RNF150: variants seen among roughly 807,000 people sequenced by gnomAD.
RNF150 encodes the protein ring finger protein 150.
In RNF150, 24 loss-of-function variants were observed where a neutral mutation model predicts 39.3. The ratio of observed to expected loss-of-function variants is 0.61; its 90% confidence interval spans 0.44 to 0.86. The LOEUF (loss-of-function observed/expected upper bound fraction) is 0.86, where lower values mean the gene tolerates loss of function less well. Among genes scored for constraint, RNF150 ranks in the 40% least tolerant of loss-of-function variants. The pLI, the probability that RNF150 is intolerant of heterozygous loss-of-function variation, is 0.00. For synonymous variants in RNF150, 255 were observed against 227.3 expected, an observed-to-expected ratio of 1.12 and a Z score of -1.10; for missense variants, 502 against 587.8, an observed-to-expected ratio of 0.85 and a Z score of 1.51.
intron 4 of RNF150, among the ~76,000 whole-genome samples, chr4:140,935,032 A>AAT (rs1233671306): frequency 0.021 from 195 of 9,314 alleles, no homozygotes; most frequent in East Asian, 0.15. Context: ...ATATATTTAT[A>AAT]ATATATATAT....
intron 1 of RNF150, among the ~76,000 whole-genome samples, chr4:141,021,398 C>T (rs952927918): frequency 1.3e-5 from 2 of 152,138 alleles, no homozygotes; most frequent in African/African-American, 4.8e-5. Context: ...AACACTTTTT[C>T]ATCCCTGTAG....
intron 1 of RNF150, among the ~76,000 whole-genome samples, chr4:141,088,298 C>T (rs11941500): frequency 0.36 from 54,914 of 151,888 alleles, 10,585 homozygotes; most frequent in East Asian, 0.76. Context: ...CTCCTGATTT[C>T]TTCTTCTTAC....
At chr4:140,931,506 T>C (rs1163093967) in intron 4 of RNF150, among the ~76,000 whole-genome samples, 2 of 152,104 alleles carry the variant, frequency 1.3e-5, no homozygotes, top group East Asian at 3.9e-4. Context: ...AACAAAAGGA[T>C]AGGGAAAGGA....
At chr4:140,890,770 C>A (rs1474665508) in intron 6 of RNF150, among the ~76,000 whole-genome samples, 1 of 152,204 alleles carries the variant, frequency 6.6e-6, no homozygotes, top group African/African-American at 2.4e-5. Context: ...TTGATGATAG[C>A]AGCCTGATAG....
At chr4:141,142,874 CTTTTT>C (rs780341978) in intron 1 of RNF150, among the ~76,000 whole-genome samples, 6 of 142,376 alleles carry the variant, frequency 4.2e-5, no homozygotes, top group African/African-American at 1.5e-4. Context: ...TCTTTTTTCT[CTTTTT>C]TTTTTTTTTA....
intron 6 of RNF150, among the ~76,000 whole-genome samples, chr4:140,897,721 CCCTTCA>C (rs1272931127): frequency 6.6e-6 from 1 of 152,076 alleles, no homozygotes; most frequent in African/African-American, 2.4e-5. Flanking sequence ...GTGTTTGAGC[CCCTTCA>C]CCTTCTCTTC....
chr4:141,119,043 G>A (rs891179568), intron 1 of RNF150, among the ~76,000 whole-genome samples: 1 of 152,126 alleles, frequency 6.6e-6, no homozygotes, highest in Non-Finnish European at 1.5e-5. Flanking sequence ...TTACAGACAT[G>A]AGGCACCGCA....
chr4:141,101,434 C>G (rs1490945206), intron 1 of RNF150, among the ~76,000 whole-genome samples: 1 of 152,094 alleles, frequency 6.6e-6, no homozygotes, highest in Non-Finnish European at 1.5e-5. Context: ...ATTGGAAGGT[C>G]TTCAGGGGCA....
chr4:141,080,801 C>G (rs1738120993), intron 1 of RNF150, among the ~76,000 whole-genome samples: 2 of 152,168 alleles, frequency 1.3e-5, no homozygotes. Context: ...TGGAGCTGCA[C>G]ATGTCCCCCA....
chr4:140,964,448 G>T (rs539131744), intron 2 of RNF150, among the ~76,000 whole-genome samples: 5 of 151,872 alleles, frequency 3.3e-5, no homozygotes, highest in Non-Finnish European at 7.4e-5. Flanking sequence ...TATAATTAGG[G>T]TTATAACAAT....
chr4:140,977,617 T>C (rs561313446), intron 1 of RNF150, among the ~76,000 whole-genome samples: 3 of 152,164 alleles, frequency 2.0e-5, no homozygotes, highest in Admixed American at 6.6e-5. Flanking sequence ...AACCAGGTAG[T>C]GACACACACA....
At chr4:141,159,287 C>T (rs992378198) in intron 1 of RNF150, among the ~76,000 whole-genome samples, 4 of 152,158 alleles carry the variant, frequency 2.6e-5, no homozygotes, top group Non-Finnish European at 5.9e-5. Context: ...AACATGTAAT[C>T]AGTGAATGTG....
intron 4 of RNF150, among the ~76,000 whole-genome samples, chr4:140,931,289 A>G (rs904132473): frequency 3.3e-4 from 40 of 121,762 alleles, no homozygotes; most frequent in African/African-American, 1.2e-3. Context: ...AATTTTAAAA[A>G]AATCAGAGGG....
intron 5 of RNF150, among the ~76,000 whole-genome samples, chr4:140,917,109 C>T (rs1172939171): frequency 1.3e-5 from 2 of 152,152 alleles, no homozygotes; most frequent in Non-Finnish European, 2.9e-5. Context: ...TAAAGACCAT[C>T]AAGGCTAGGA....
intron 2 of RNF150, among the ~76,000 whole-genome samples, chr4:140,962,346 AC>A (rs1733072486): frequency 1.3e-5 from 2 of 151,878 alleles, no homozygotes; most frequent in Non-Finnish European, 2.9e-5. Context: ...TCATGTGGCC[AC>A]CATATGGCAG....
intron 4 of RNF150, among the ~76,000 whole-genome samples, chr4:140,939,687 C>A (rs1345159293): frequency 6.7e-6 from 1 of 148,264 alleles, no homozygotes. Flanking sequence ...CCTTTCAGTG[C>A]TTGAAATCTG....
chr4:141,083,423 C>G (rs1215688927), intron 1 of RNF150, among the ~76,000 whole-genome samples: 1 of 152,162 alleles, frequency 6.6e-6, no homozygotes, highest in African/African-American at 2.4e-5. Context: ...TCCTCCTCTT[C>G]CTTTTCTACT....
At chr4:141,033,531 C>T in intron 1 of RNF150, among the ~76,000 whole-genome samples, 1 of 152,240 alleles carries the variant, frequency 6.6e-6, no homozygotes, top group East Asian at 1.9e-4. Context: ...TTCTTAGTGC[C>T]TTTTAGGATG....
At chr4:141,035,576 C>G (rs763018812) in intron 1 of RNF150, among the ~76,000 whole-genome samples, 2 of 152,154 alleles carry the variant, frequency 1.3e-5, no homozygotes, top group African/African-American at 2.4e-5. Flanking sequence ...AATGTGTTAT[C>G]AGAACACGAG....
Sources: allele counts gnomAD v4.1 joint callset (sites outside exome capture counted in the v4.1 genomes callset), GRCh38; gene constraint gnomAD v4.1.1; transcripts MANE v1.5; gene names NCBI Gene and HGNC (gene_info 2026-07-23, HGNC 2026-07-21).